Variants in KCNIP4 observed in about 807,000 individuals in gnomAD.
KCNIP4 encodes potassium voltage-gated channel interacting protein 4.
A neutral mutation model predicts 34.0 loss-of-function variants in KCNIP4; 12 were observed. That is an observed-to-expected ratio of 0.35 (90% CI 0.23 to 0.57). KCNIP4 has a LOEUF of 0.57. Ranked by LOEUF, KCNIP4 falls within the 20% of genes least tolerant of loss-of-function variation. The pLI is 0.83. For missense variants in KCNIP4, 238 were observed against 311.7 expected (o/e 0.76, Z 1.78); for synonymous variants, 124 against 102.2 (o/e 1.21, Z -1.29).
intron 1 of KCNIP4, among the ~76,000 whole-genome samples, chr4:21,542,335 G>C (rs1737776990): frequency 6.6e-6 from 1 of 152,044 alleles, no homozygotes; most frequent in East Asian, 1.9e-4. Flanking sequence ...TAATAACTTA[G>C]AGTCAAAAAT....
intron 1 of KCNIP4, among the ~76,000 whole-genome samples, chr4:21,150,799 C>A (rs6854413): frequency 6.6e-6 from 1 of 152,032 alleles, no homozygotes; most frequent in Non-Finnish European, 1.5e-5. Flanking sequence ...TCTTAATATG[C>A]ATCTAATGAA....
intron 1 of KCNIP4, among the ~76,000 whole-genome samples, chr4:21,518,828 C>T (rs1735001397): frequency 6.6e-6 from 1 of 152,082 alleles, no homozygotes; most frequent in Non-Finnish European, 1.5e-5. Context: ...TTGATAAACC[C>T]CTGCATAGCC....
At chr4:21,360,997 T>C (rs1429078421) in intron 1 of KCNIP4, among the ~76,000 whole-genome samples, 1 of 151,998 alleles carries the variant, frequency 6.6e-6, no homozygotes, top group Non-Finnish European at 1.5e-5. Flanking sequence ...GGCTCAAATA[T>C]GTGTTTTTCT....
chr4:20,969,765 T>C (rs1734743114), intron 1 of KCNIP4, among the ~76,000 whole-genome samples: 2 of 138,064 alleles, frequency 1.4e-5, no homozygotes, highest in Admixed American at 7.5e-5. Context: ...CACACATTTA[T>C]AGACTATAAT....
chr4:21,132,995 A>G (rs1751198463), intron 1 of KCNIP4, among the ~76,000 whole-genome samples: 2 of 150,078 alleles, frequency 1.3e-5, no homozygotes, highest in Admixed American at 1.3e-4. Flanking sequence ...CCTGGGCAAC[A>G]GAGTGAGGCT....
intron 1 of KCNIP4, among the ~76,000 whole-genome samples, chr4:21,492,609 G>C (rs1032245321): frequency 6.6e-6 from 1 of 152,118 alleles, no homozygotes; most frequent in Non-Finnish European, 1.5e-5. Flanking sequence ...ATATATGTGT[G>C]ACTAGTTGAT....
chr4:20,772,267 A>G (rs979774907), intron 3 of KCNIP4, among the ~76,000 whole-genome samples: 1 of 152,142 alleles, frequency 6.6e-6, no homozygotes. Flanking sequence ...TTTCAATCCT[A>G]TTAATCACTA....
At chr4:21,449,637 T>C (rs1419292603) in intron 1 of KCNIP4, among the ~76,000 whole-genome samples, 2 of 124,430 alleles carry the variant, frequency 1.6e-5, no homozygotes, top group Non-Finnish European at 3.3e-5. Flanking sequence ...TATATATATG[T>C]ATATATATAT....
chr4:21,407,423 G>T (rs888703405), intron 1 of KCNIP4, among the ~76,000 whole-genome samples: 2 of 151,984 alleles, frequency 1.3e-5, no homozygotes, highest in Admixed American at 1.3e-4. Flanking sequence ...TTTTCCAAGG[G>T]AACGTAAGTG....
chr4:20,793,557 C>A (rs1713054073), intron 3 of KCNIP4, among the ~76,000 whole-genome samples: 1 of 152,130 alleles, frequency 6.6e-6, no homozygotes, highest in Non-Finnish European at 1.5e-5. Flanking sequence ...TTTACTGCAG[C>A]AGTCCCCAAC....
At chr4:21,646,249 G>T (rs1245790589) in intron 1 of KCNIP4, among the ~76,000 whole-genome samples, 1 of 152,132 alleles carries the variant, frequency 6.6e-6, no homozygotes, top group African/African-American at 2.4e-5. Context: ...CCAGTGAACT[G>T]ATCAAATTGG....
intron 1 of KCNIP4, among the ~76,000 whole-genome samples, chr4:21,497,464 T>C (rs1732944915): frequency 6.6e-6 from 1 of 152,152 alleles, no homozygotes; most frequent in Admixed American, 6.5e-5. Context: ...CCTCTTCACA[T>C]GATGAACTCC....
At chr4:21,860,079 A>G (rs189722332) in intron 1 of KCNIP4, among the ~76,000 whole-genome samples, 17 of 152,316 alleles carry the variant, frequency 1.1e-4, no homozygotes, top group East Asian at 7.7e-4. Context: ...TGAACCAAAC[A>G]TAATTTTTAA....
At chr4:21,045,641 C>T (rs1207114964) in intron 1 of KCNIP4, among the ~76,000 whole-genome samples, 1 of 152,154 alleles carries the variant, frequency 6.6e-6, no homozygotes, top group Admixed American at 6.6e-5. Context: ...ATGAAGGACA[C>T]ATTTAAGACC....
chr4:21,907,517 T>C (rs1286569649), intron 1 of KCNIP4, among the ~76,000 whole-genome samples: 2 of 152,206 alleles, frequency 1.3e-5, no homozygotes, highest in African/African-American at 2.4e-5. Context: ...AGTACTATTA[T>C]GTACTTTCTT....
At chr4:20,755,621 T>C (rs1309719828) in intron 4 of KCNIP4, among the ~76,000 whole-genome samples, 2 of 152,144 alleles carry the variant, frequency 1.3e-5, no homozygotes, top group African/African-American at 4.8e-5. Flanking sequence ...ATATATATTA[T>C]TGGATTGTCT....
intron 1 of KCNIP4, among the ~76,000 whole-genome samples, chr4:21,341,938 T>G (rs982595132): frequency 1.1e-4 from 16 of 152,304 alleles, no homozygotes; most frequent in African/African-American, 3.6e-4. Flanking sequence ...ATGCGAGATC[T>G]GCAATCAACA....
At chr4:21,758,130 T>C (rs928423360) in intron 1 of KCNIP4, among the ~76,000 whole-genome samples, 4 of 152,178 alleles carry the variant, frequency 2.6e-5, no homozygotes, top group African/African-American at 7.2e-5. Flanking sequence ...ATATTTATAA[T>C]AAAAACAATA....
intron 2 of KCNIP4, among the ~76,000 whole-genome samples, chr4:20,864,046 A>ATGTC (rs1722513275): frequency 3.3e-5 from 1 of 30,512 alleles, no homozygotes. Flanking sequence ...ATGTATACGC[A>ATGTC]TGTATGTATA....
Sources: gnomAD v4.1 joint callset for allele counts (sites outside exome capture counted in the v4.1 genomes callset) on GRCh38, gnomAD v4.1.1 for gene constraint, MANE v1.5 for transcripts, NCBI Gene and HGNC (gene_info 2026-07-23, HGNC 2026-07-21) for gene names.